OLFM3: variants seen among roughly 807,000 people sequenced by gnomAD.
OLFM3 encodes the protein olfactomedin 3.
OLFM3 carries 20 observed loss-of-function variants against 48.6 expected under a neutral mutation model. The ratio of observed to expected loss-of-function variants is 0.41; its 90% confidence interval spans 0.29 to 0.60. The LOEUF (loss-of-function observed/expected upper bound fraction) is 0.60. Ranked by LOEUF, OLFM3 falls within the 20% of genes least tolerant of loss-of-function variation. The pLI, the probability that OLFM3 is intolerant of heterozygous loss-of-function variation, is 0.28. For synonymous variants in OLFM3, 222 were observed against 198.1 expected, an observed-to-expected ratio of 1.12 and a Z score of -1.01; for missense variants, 437 against 544.3, an observed-to-expected ratio of 0.80 and a Z score of 1.96.
intron 1 of OLFM3, among the ~76,000 whole-genome samples, chr1:101,987,159 G>T (rs1201457804): frequency 6.6e-6 from 1 of 152,080 alleles, no homozygotes; most frequent in Non-Finnish European, 1.5e-5. Flanking sequence ...CATCAATGAG[G>T]GTTGCAATGA....
chr1:101,884,476 T>C (rs1365787695), intron 1 of OLFM3, among the ~76,000 whole-genome samples: 2 of 150,632 alleles, frequency 1.3e-5, no homozygotes, highest in Non-Finnish European at 3.0e-5. Context: ...TGCCCTATTC[T>C]GAAAAACAAA....
rs111357440 is a variant in OLFM3 at position 101,806,360 on chromosome 1, C to G, written c.593-178G>C. On this transcript the variant is annotated intron_variant, in intron 4 of 5. Transcript: ENST00000370103. ...GCTGGGCCTTTAACCAAACATTGAA[C>G]CATGAGGAGTTGCTTTTTCAATGCT... Among the ~76,000 whole-genome samples, 795 of 151,744 alleles carry G rather than the reference C, an allele frequency of 5.2e-3. 7 individuals carry two copies. The highest frequency in any genetic ancestry group is 0.018 in the African/African-American group (744 of 41,430).
chr1:101,829,654 G>A (rs191196407), intron 3 of OLFM3, among the ~76,000 whole-genome samples: 71 of 152,312 alleles, frequency 4.7e-4, no homozygotes, highest in African/African-American at 1.5e-3. Context: ...TTGCCCAAGG[G>A]CTTGAGTTCA....
intron 1 of OLFM3, among the ~76,000 whole-genome samples, chr1:101,984,424 G>A (rs1661180049): frequency 6.6e-6 from 1 of 152,046 alleles, no homozygotes; most frequent in Non-Finnish European, 1.5e-5. Flanking sequence ...TCTTCAATAA[G>A]CAGTGCTCTG....
At chr1:101,911,511 T>A (rs1658759979) in intron 1 of OLFM3, among the ~76,000 whole-genome samples, 1 of 152,116 alleles carries the variant, frequency 6.6e-6, no homozygotes, top group Non-Finnish European at 1.5e-5. Flanking sequence ...ATAATAATAC[T>A]CTAATACAGT....
chr1:101,924,068 G>A lies in OLFM3; in HGVS notation c.69+72680C>T, dbSNP rs150071345. 6.6e-5 allele frequency among the ~76,000 whole-genome samples: 10 copies of A among 152,180 alleles called. No individual in the cohort carries two copies. The East Asian group carries it at 7.7e-4, about 12-fold the overall frequency. On this transcript the variant is annotated intron_variant, in intron 1 of 5. Transcript: ENST00000370103. ...TTCCCATTAGCTAAGAAAAAACAGA[G>A]GTAAACCACATTAACTTTCTCTCCA...
intron 1 of OLFM3, among the ~76,000 whole-genome samples, chr1:101,935,968 T>C (rs1659601934): frequency 6.6e-6 from 1 of 152,152 alleles, no homozygotes; most frequent in Non-Finnish European, 1.5e-5. Flanking sequence ...TAAAAGAACA[T>C]GCCTCAAAAT....
At chr1:101,934,560 C>G (rs1042343894) in intron 1 of OLFM3, among the ~76,000 whole-genome samples, 6 of 152,082 alleles carry the variant, frequency 3.9e-5, no homozygotes, top group Admixed American at 3.9e-4. Context: ...TTAGACAGAT[C>G]ATGAAGTTAA....
rs201675450 is a variant in OLFM3, at chr1:101,871,669, C to G, written c.70-34644G>C. On this transcript the variant is annotated intron_variant, in intron 1 of 5. Coordinates refer to ENST00000370103, the MANE Select transcript of OLFM3 (RefSeq NM_058170.4). ...ACAACAAAATCGAAGCCAAACCAAA[C>G]AAATCATATTTATAATCTAAATTGT... 2.6e-5 allele frequency among the ~76,000 whole-genome samples: 4 copies of G among 152,008 alleles called. No individual in the cohort carries two copies. In the East Asian group the frequency reaches 7.7e-4, roughly 29 times the overall value.
intron 1 of OLFM3, among the ~76,000 whole-genome samples, chr1:101,902,881 A>G (rs1658434283): frequency 6.6e-6 from 1 of 152,102 alleles, no homozygotes; most frequent in Admixed American, 6.6e-5. Flanking sequence ...TGAGAGTTAT[A>G]TCTGTGAATC....
chr1:101,956,103 T>TTTTTTTTTTAAA (rs781231551), intron 1 of OLFM3, among the ~76,000 whole-genome samples: 2 of 143,362 alleles, frequency 1.4e-5, no homozygotes, highest in Admixed American at 1.4e-4. Flanking sequence ...TTTTTTTTTT[T>TTTTTTTTTTAAA]AAAAAAAACC....
chr1:101,877,184 C>T (rs1401917615), intron 1 of OLFM3, among the ~76,000 whole-genome samples: 1 of 151,906 alleles, frequency 6.6e-6, no homozygotes, highest in African/African-American at 2.4e-5. Flanking sequence ...TTCTAATTTG[C>T]TGATCATTTG....
At chr1:101,920,235 C>T (rs554306536) in intron 1 of OLFM3, among the ~76,000 whole-genome samples, 7 of 152,114 alleles carry the variant, frequency 4.6e-5, no homozygotes, top group Non-Finnish European at 1.0e-4. Context: ...CTGTGCACAA[C>T]CTTATACAAT....
rs1013746193 is a variant in OLFM3 at position 101,802,834 on chromosome 1, C to T, written c.*1404G>A. ...TGTAAAACCAACCTATATTAGTTTC[C>T]ATAAAGCTGCCTTAGGGAACTATTT... On this transcript the variant is annotated 3_prime_UTR_variant, in exon 6 of 6. Transcript: ENST00000370103. 6.6e-6 allele frequency: 1 copy of T among 151,424 alleles called. No homozygotes were observed. The highest frequency in any genetic ancestry group is 1.5e-5 in the Non-Finnish European group (1 of 67,656). The allele number at this position is 151,424 out of a possible 1,614,324, so 9.4% of individuals were successfully genotyped here.
chr1:101,889,885 T>C (rs1657921107), intron 1 of OLFM3, among the ~76,000 whole-genome samples: 1 of 152,078 alleles, frequency 6.6e-6, no homozygotes, highest in Admixed American at 6.6e-5. Context: ...TTTGAACCTA[T>C]AATTCTACTT....
chr1:101,922,583 T>A (rs1485899441), intron 1 of OLFM3, among the ~76,000 whole-genome samples: 1 of 152,166 alleles, frequency 6.6e-6, no homozygotes, highest in Non-Finnish European at 1.5e-5. Flanking sequence ...CATTTCTTCA[T>A]CCTTCCTATG....
chr1:101,876,238 C>A (rs967131798), intron 1 of OLFM3, among the ~76,000 whole-genome samples: 1 of 152,058 alleles, frequency 6.6e-6, no homozygotes, highest in South Asian at 2.1e-4. Flanking sequence ...GCAGGAGCCA[C>A]CTGCTCTGAA....
At chr1:101,865,976 T>C (rs150187200) in intron 1 of OLFM3, among the ~76,000 whole-genome samples, 1 of 152,322 alleles carries the variant, frequency 6.6e-6, no homozygotes, top group Non-Finnish European at 1.5e-5. Context: ...ATTTTCATTA[T>C]ATGCAACAAA....
At chr1:101,901,196 A>G (rs1658376719) in intron 1 of OLFM3, among the ~76,000 whole-genome samples, 1 of 152,124 alleles carries the variant, frequency 6.6e-6, no homozygotes, top group African/African-American at 2.4e-5. Flanking sequence ...AGAAGTTTAC[A>G]TTGTTTGGGA....
Sources: gnomAD v4.1 joint callset for allele counts (sites outside exome capture counted in the v4.1 genomes callset) on GRCh38, gnomAD v4.1.1 for gene constraint, MANE v1.5 for transcripts, NCBI Gene and HGNC (gene_info 2026-07-23, HGNC 2026-07-21) for gene names.